The following NR3C2 variants were observed in gnomAD, a reference collection of about 807,000 sequenced individuals.
NR3C2 encodes the protein nuclear receptor subfamily 3 group C member 2, also known as mineralocorticoid receptor.
Under a neutral mutation model 86.4 loss-of-function variants are expected in NR3C2, and 15 were observed. The ratio of observed to expected loss-of-function variants is 0.17; its 90% CI spans 0.12 to 0.27. The LOEUF is 0.27. Ranked by LOEUF, NR3C2 falls within the 10% of genes least tolerant of loss-of-function variation. The pLI is 1.00. For synonymous variants in NR3C2, 458 were observed against 450.5 expected (o/e 1.02, Z -0.21); for missense variants, 960 against 1,195.6 (o/e 0.80, Z 2.91).
chr4:148,133,696 C>T (rs1213693256), intron 6 of NR3C2, among the ~76,000 whole-genome samples: 1 of 152,172 alleles, frequency 6.6e-6, no homozygotes, highest in Non-Finnish European at 1.5e-5. Context: ...TAACCAGAAG[C>T]TGGCGCAGGA....
At chr4:148,277,206 T>A (rs1741001998) in intron 2 of NR3C2, among the ~76,000 whole-genome samples, 1 of 152,196 alleles carries the variant, frequency 6.6e-6, no homozygotes, top group Non-Finnish European at 1.5e-5. Context: ...GTCTCATAAA[T>A]AAAAGCTTAA....
intron 4 of NR3C2, among the ~76,000 whole-genome samples, chr4:148,157,957 A>C (rs1296052748): frequency 2.0e-5 from 3 of 152,244 alleles, no homozygotes; most frequent in Admixed American, 6.5e-5. Context: ...CCAGGCTTAA[A>C]AGATGAATAA....
At chr4:148,315,148 C>T (rs1040856451) in intron 2 of NR3C2, among the ~76,000 whole-genome samples, 4 of 152,212 alleles carry the variant, frequency 2.6e-5, no homozygotes, top group African/African-American at 9.6e-5. Flanking sequence ...CCTACACTGA[C>T]GGCTCACTGT....
chr4:148,229,901 C>G (rs553502533), intron 3 of NR3C2, among the ~76,000 whole-genome samples: 1 of 152,280 alleles, frequency 6.6e-6, no homozygotes, highest in South Asian at 2.1e-4. Flanking sequence ...CAACCCTTCC[C>G]CTACAGCTTA....
At chr4:148,117,718 G>A (rs1159282000) in intron 7 of NR3C2, among the ~76,000 whole-genome samples, 1 of 152,154 alleles carries the variant, frequency 6.6e-6, no homozygotes, top group Non-Finnish European at 1.5e-5. Context: ...CCTGATTCCA[G>A]CTTACTTTCC....
intron 2 of NR3C2, among the ~76,000 whole-genome samples, chr4:148,427,609 G>A (rs536469763): frequency 8.6e-5 from 13 of 151,974 alleles, no homozygotes; most frequent in Non-Finnish European, 1.3e-4. Context: ...GGGAGTCTGT[G>A]CCTCGGTGGG....
rs549054360 is a variant in NR3C2, at chr4:148,312,941, T to G, written c.1758-52824A>C. Among the ~76,000 whole-genome samples, 8 of 152,278 alleles carry G rather than the reference T, an allele frequency of 5.3e-5. No individual in the cohort carries two copies. The East Asian group carries it at 1.5e-3, about 29-fold the overall frequency. ...TTTTACTTTGAGAATGATTCACCTTTGAACTACTAGAAGCTGTAAGCATAG... is the reference window on the plus strand; with the variant it reads ...TTTTACTTTGAGAATGATTCACCTTGGAACTACTAGAAGCTGTAAGCATAG... On this transcript the variant is annotated intron_variant, in intron 2 of 8. Transcript: ENST00000358102.
chr4:148,127,239 A>AT (rs1046670271), intron 6 of NR3C2, among the ~76,000 whole-genome samples: 1 of 151,330 alleles, frequency 6.6e-6, no homozygotes, highest in Non-Finnish European at 1.5e-5. Flanking sequence ...GCAATTGTGC[A>AT]TTTTTTTGCA....
At chr4:148,388,806 G>C (rs1308663135) in intron 2 of NR3C2, among the ~76,000 whole-genome samples, 1 of 152,146 alleles carries the variant, frequency 6.6e-6, no homozygotes, top group East Asian at 1.9e-4. Flanking sequence ...CGCAAGGCTT[G>C]CAGAAGACCC....
At chr4:148,362,064 C>G (rs1224945945) in intron 2 of NR3C2, among the ~76,000 whole-genome samples, 1 of 152,158 alleles carries the variant, frequency 6.6e-6, no homozygotes, top group Non-Finnish European at 1.5e-5. Flanking sequence ...TCTCAAATTC[C>G]TTACCTCAAG....
intron 2 of NR3C2, among the ~76,000 whole-genome samples, chr4:148,382,064 C>T (rs1237549615): frequency 1.3e-5 from 2 of 152,116 alleles, no homozygotes; most frequent in Non-Finnish European, 2.9e-5. Context: ...TTCACCGGTA[C>T]GTAAAAGAAG....
Position 148,181,350 on chromosome 4 carries a change from T to G in NR3C2, c.2014+13396A>C, listed in dbSNP as rs190380531. On this transcript the variant is annotated intron_variant, in intron 4 of 8. Coordinates refer to ENST00000358102, the MANE Select transcript of NR3C2 (RefSeq NM_000901.5). ...ACTAATTAGGATCCTTACACTGTAT[T>G]TTTCAAGTATCTAATGATACTATCT... Among the ~76,000 whole-genome samples, 23 of 152,258 alleles carry G rather than the reference T, an allele frequency of 1.5e-4. No individual in the cohort carries two copies. In the East Asian group the frequency reaches 1.9e-3, roughly 13 times the overall value.
chr4:148,364,969 T>C lies in NR3C2; in HGVS notation c.1757+70135A>G, dbSNP rs138697321. On this transcript the variant is annotated intron_variant, in intron 2 of 8. Coordinates refer to ENST00000358102, the MANE Select transcript of NR3C2 (RefSeq NM_000901.5). Reference sequence around the variant, plus strand: ...ACAATATTTTTAATAATTTTGTGCATGAAACAAAATAACGTACACTAAGCC... The same window carrying C: ...ACAATATTTTTAATAATTTTGTGCACGAAACAAAATAACGTACACTAAGCC... Among the ~76,000 whole-genome samples, 927 of 152,308 alleles carry C rather than the reference T, an allele frequency of 6.1e-3. 5 individuals carry two copies. The highest frequency in any genetic ancestry group is 0.021 in the African/African-American group (880 of 41,574).
At position 148,100,017 on chromosome 4, in the gene NR3C2, A is replaced by C. The variant is rs1289639214; in HGVS notation, c.2799+14087T>G. 2.0e-5 allele frequency among the ~76,000 whole-genome samples: 3 copies of C among 152,238 alleles called. No homozygotes were observed. The East Asian group carries it at 5.8e-4, about 29-fold the overall frequency. ...AGTTTTTCTGCAGTGTTCTTACAGA[A>C]AATTACTTGCTTATAAGTCTTCAAA... is the stretch of plus-strand genomic sequence containing the variant. On this transcript the variant is annotated intron_variant, in intron 8 of 8. Transcript: ENST00000358102.
At position 148,369,206 on chromosome 4, in the gene NR3C2, T is replaced by G. The variant is rs117859771; in HGVS notation, c.1757+65898A>C. Among the ~76,000 whole-genome samples the G allele has an allele frequency of 1.1e-3, 165 of 152,340 alleles. 3 individuals carry two copies. In the East Asian group the frequency reaches 0.03, roughly 28 times the overall value. The stretch of plus-strand genomic sequence containing the variant: ...TGGATTACCAGGGCAAATATCTAAC[T>G]CATGATTCTGTACATGGCATTGCAT... On this transcript the variant is annotated intron_variant, in intron 2 of 8. Coordinates refer to ENST00000358102, the MANE Select transcript of NR3C2 (RefSeq NM_000901.5).
intron 3 of NR3C2, among the ~76,000 whole-genome samples, chr4:148,232,246 C>A (rs1452325393): frequency 1.3e-5 from 2 of 152,126 alleles, no homozygotes; most frequent in African/African-American, 4.8e-5. Context: ...GCAGTGATTG[C>A]CTTATAAAAT....
chr4:148,101,460 A>G (rs562904660), intron 8 of NR3C2, among the ~76,000 whole-genome samples: 1 of 152,334 alleles, frequency 6.6e-6, no homozygotes, highest in African/African-American at 2.4e-5. Flanking sequence ...AACAATCATA[A>G]TTAAGGTGTA....
chr4:148,255,385 T>TTCACAGAGTTCACA (rs1739782886), intron 3 of NR3C2, among the ~76,000 whole-genome samples: 6 of 152,222 alleles, frequency 3.9e-5, no homozygotes, highest in Non-Finnish European at 5.9e-5. Flanking sequence ...TTCACAGGCT[T>TTCACAGAGTTCACA]GGCTGTCTGA....
intron 4 of NR3C2, among the ~76,000 whole-genome samples, chr4:148,172,032 C>G (rs1258936885): frequency 6.6e-6 from 1 of 152,122 alleles, no homozygotes; most frequent in African/African-American, 2.4e-5. Flanking sequence ...AGCTCCTCAA[C>G]TAAACCTTTC....
Sources: allele counts gnomAD v4.1 joint callset (sites outside exome capture counted in the v4.1 genomes callset), GRCh38; gene constraint gnomAD v4.1.1; transcripts MANE v1.5; gene names NCBI Gene and HGNC (gene_info 2026-07-23, HGNC 2026-07-21).